ADAMTS6: variants seen among roughly 807,000 people sequenced by gnomAD.
ADAMTS6 encodes the protein ADAM metallopeptidase with thrombospondin type 1 motif 6.
Under a neutral mutation model 144.3 loss-of-function variants are expected in ADAMTS6, and 23 were observed. That is an observed-to-expected ratio of 0.16 (90% confidence interval 0.11 to 0.23). The LOEUF (loss-of-function observed/expected upper bound fraction) is 0.23, where lower values mean the gene tolerates loss of function less well. Ranked by LOEUF, ADAMTS6 falls within the 10% of genes least tolerant of loss-of-function variation. The probability of loss-of-function intolerance (pLI) is 1.00; values close to 1 mark genes in which losing one functional copy is unlikely to be tolerated. For synonymous variants in ADAMTS6, 444 were observed against 457.5 expected (o/e 0.97, Z 0.38); for missense variants, 999 against 1,379.6 (o/e 0.72, Z 4.37).
chr5:65,354,453 T>A (rs765764969), intron 7 of ADAMTS6, among the ~76,000 whole-genome samples: 1 of 151,854 alleles, frequency 6.6e-6, no homozygotes. Context: ...ATAATGTATA[T>A]AAGCTGTGCA....
At chr5:65,446,427 T>C (rs1758275193) in intron 7 of ADAMTS6, among the ~76,000 whole-genome samples, 1 of 152,140 alleles carries the variant, frequency 6.6e-6, no homozygotes, top group Admixed American at 6.5e-5. Flanking sequence ...CATGACCCCT[T>C]AAGAGGATAA....
chr5:65,289,987 A>G (rs1390028027), intron 11 of ADAMTS6, among the ~76,000 whole-genome samples: 1 of 152,188 alleles, frequency 6.6e-6, no homozygotes, highest in Non-Finnish European at 1.5e-5. Flanking sequence ...AGAACCATAC[A>G]AAATAAGATT....
At chr5:65,471,699 A>G (rs1760458528) in intron 2 of ADAMTS6, among the ~76,000 whole-genome samples, 2 of 151,806 alleles carry the variant, frequency 1.3e-5, no homozygotes, top group African/African-American at 4.8e-5. Context: ...TGGTGGTTGC[A>G]GTGAGCCGAG....
chr5:65,263,897 T>C (rs1015064383), intron 12 of ADAMTS6, among the ~76,000 whole-genome samples: 1 of 152,178 alleles, frequency 6.6e-6, no homozygotes, highest in South Asian at 2.1e-4. Context: ...TGAACAAATG[T>C]CATCAATGTT....
At chr5:65,300,931 G>A (rs762335007) in intron 9 of ADAMTS6, among the ~76,000 whole-genome samples, 12 of 152,022 alleles carry the variant, frequency 7.9e-5, no homozygotes, top group Admixed American at 2.6e-4. Context: ...GCGCCCGGCC[G>A]TAAGTCCTTT....
chr5:65,284,085 G>A (rs1763185805), intron 11 of ADAMTS6, among the ~76,000 whole-genome samples: 3 of 151,742 alleles, frequency 2.0e-5, no homozygotes, highest in African/African-American at 4.8e-5. Context: ...CAAAAGACTC[G>A]TACAACTAAC....
In ADAMTS6 at chr5:65,478,706, C is replaced by A. The variant is rs182373262; in HGVS notation, c.-280+2637G>T. 1.0e-3 allele frequency among the ~76,000 whole-genome samples: 158 copies of A among 152,246 alleles called. 2 individuals carry two copies. The highest frequency in any genetic ancestry group is 3.7e-3 in the African/African-American group (155 of 41,546). The stretch of plus-strand genomic sequence containing the variant: ...GGAGTCAATCAACTAGTTATATTGT[C>A]TTTTACAGCAAGGAGTTAAGAACTT... On this transcript the variant is annotated intron_variant, in intron 1 of 24. Transcript: ENST00000381055.
chr5:65,467,006 C>T (rs1172043861), intron 3 of ADAMTS6, among the ~76,000 whole-genome samples: 4 of 148,340 alleles, frequency 2.7e-5, no homozygotes, highest in South Asian at 2.1e-4. Flanking sequence ...TGCGCCACTG[C>T]ACCCAGCCTG....
chr5:65,215,121 T>C (rs1756820964), intron 19 of ADAMTS6, among the ~76,000 whole-genome samples, 189 bp from the exon 20 acceptor site: 1 of 152,242 alleles, frequency 6.6e-6, no homozygotes, highest in Non-Finnish European at 1.5e-5. Flanking sequence ...CTTTCATCTG[T>C]CTTGTTTGGT....
chr5:65,170,900 C>G, intron 23 of ADAMTS6, 127 bp from the exon 24 acceptor site: 4 of 1,004,246 alleles, frequency 4.0e-6, no homozygotes, highest in Non-Finnish European at 5.5e-6. Flanking sequence ...GACACAGCGT[C>G]TTGCTATGTT....
chr5:65,370,912 C>T (rs1247492615), intron 7 of ADAMTS6, among the ~76,000 whole-genome samples: 1 of 152,350 alleles, frequency 6.6e-6, no homozygotes, highest in East Asian at 1.9e-4. Context: ...TCTCCCAGCA[C>T]ACAGCTGGAG....
chr5:65,252,994 C>T (rs1760313628), intron 14 of ADAMTS6, among the ~76,000 whole-genome samples: 1 of 151,892 alleles, frequency 6.6e-6, no homozygotes, highest in South Asian at 2.1e-4. Context: ...CTCAGGTGAT[C>T]CTCCCATTTC....
intron 7 of ADAMTS6, among the ~76,000 whole-genome samples, chr5:65,435,152 A>T (rs114459457): frequency 6.0e-4 from 91 of 152,346 alleles, no homozygotes; most frequent in African/African-American, 2.1e-3. Context: ...AAAATTAAAC[A>T]CAAAGTTAAT....
chr5:65,325,923 A>G (rs754430155), intron 9 of ADAMTS6, among the ~76,000 whole-genome samples: 1 of 152,216 alleles, frequency 6.6e-6, no homozygotes, highest in African/African-American at 2.4e-5. Context: ...AAAATCAGAC[A>G]TATACAATAG....
At chr5:65,206,159 G>T (rs1018994809) in intron 20 of ADAMTS6, among the ~76,000 whole-genome samples, 3 of 151,826 alleles carry the variant, frequency 2.0e-5, no homozygotes, top group Non-Finnish European at 4.4e-5. Flanking sequence ...AGTATCCTTA[G>T]TATCTCTAAT....
chr5:65,300,979 T>C (rs901583452), intron 9 of ADAMTS6, among the ~76,000 whole-genome samples: 2 of 152,174 alleles, frequency 1.3e-5, no homozygotes. Context: ...TTAACACACA[T>C]GTAATTTGTG....
chr5:65,287,044 T>G (rs1208750344), intron 11 of ADAMTS6, among the ~76,000 whole-genome samples: 2 of 152,228 alleles, frequency 1.3e-5, no homozygotes, highest in African/African-American at 4.8e-5. Flanking sequence ...CAATGTATTT[T>G]CATCCAGGAA....
At chr5:65,190,149 AAT>A (rs1410991737) in intron 21 of ADAMTS6, among the ~76,000 whole-genome samples, 1 of 152,220 alleles carries the variant, frequency 6.6e-6, no homozygotes, top group Non-Finnish European at 1.5e-5. Context: ...AGCATTTAGA[AAT>A]ATAGTTAGCC....
At position 65,214,743 on chromosome 5, in the gene ADAMTS6, G is replaced by C; in HGVS notation, c.2575+51C>G. On this transcript the variant is annotated intron_variant, in intron 20 of 24. Coordinates refer to ENST00000381055, the MANE Select transcript of ADAMTS6 (RefSeq NM_197941.4). This position sits in a 1 kb window ranked among gnomAD's most constrained non-coding sequence, Gnocchi z 4.6. ...AAACACAAAGCATAGCTCAGAATGTGTTTTGTTCTCCATCTTGCCCTCTGG... is the reference window on the plus strand; with the variant it reads ...AAACACAAAGCATAGCTCAGAATGTCTTTTGTTCTCCATCTTGCCCTCTGG... 6.2e-7 allele frequency: 1 copy of C among 1,612,792 alleles called. No homozygotes were observed. The highest frequency in any genetic ancestry group is 8.5e-7 in the Non-Finnish European group (1 of 1,179,404).
Sources: allele counts gnomAD v4.1 joint callset (sites outside exome capture counted in the v4.1 genomes callset), GRCh38; gene constraint gnomAD v4.1.1; non-coding constraint Gnocchi (gnomAD v3.1); transcripts MANE v1.5; gene names NCBI Gene and HGNC (gene_info 2026-07-23, HGNC 2026-07-21).